The following HCRTR2 variants were observed in gnomAD, a reference collection of about 807,000 sequenced individuals.
The protein encoded by HCRTR2 is hypocretin receptor 2, also known as orexin receptor type 2.
Under a neutral mutation model 49.0 loss-of-function variants are expected in HCRTR2, and 22 were observed. The observed-to-expected ratio is 0.45, with a 90% CI of 0.32 to 0.64. The LOEUF is 0.64. HCRTR2 is among the 30% of genes least tolerant of loss of function. The pLI is 0.04. For missense variants in HCRTR2, 491 were observed against 559.4 expected (o/e 0.88, Z 1.23); for synonymous variants, 236 against 205.3 (o/e 1.15, Z -1.28).
At chr6:55,174,951 T>G in intron 1 of HCRTR2, 141 bp downstream of exon 1, 1 of 593,710 alleles carries the variant, frequency 1.7e-6, no homozygotes, top group Admixed American at 3.0e-5. Flanking sequence ...TCTAATAAAA[T>G]AATAATAATA....
chr6:55,232,655 TTTATTAA>T (rs1269116568), intron 1 of HCRTR2, among the ~76,000 whole-genome samples: 2 of 152,232 alleles, frequency 1.3e-5, no homozygotes. Flanking sequence ...TGTGAAGAAC[TTTATTAA>T]GTTTTATTTG....
chr6:55,188,415 A>G (rs989132474), intron 1 of HCRTR2, among the ~76,000 whole-genome samples: 3 of 152,210 alleles, frequency 2.0e-5, no homozygotes, highest in African/African-American at 7.2e-5. Context: ...AGCATCAGCA[A>G]TAATAGAAAT....
intron 1 of HCRTR2, among the ~76,000 whole-genome samples, chr6:55,117,546 A>C (rs1208957645): frequency 6.6e-6 from 1 of 151,730 alleles, no homozygotes; most frequent in East Asian, 1.9e-4. Flanking sequence ...ATTACTATTT[A>C]CTTGTTCTAG....
intron 1 of HCRTR2, among the ~76,000 whole-genome samples, chr6:55,119,008 A>C (rs908863605): frequency 6.6e-6 from 1 of 151,470 alleles, no homozygotes; most frequent in African/African-American, 2.4e-5. Context: ...TCCTTGTTCA[A>C]CTCTCACTTA....
At chr6:55,195,481 T>C (rs967890630) in intron 1 of HCRTR2, among the ~76,000 whole-genome samples, 7 of 152,188 alleles carry the variant, frequency 4.6e-5, no homozygotes, top group East Asian at 1.9e-4. Context: ...CTTAACAATG[T>C]CTCAAATGTC....
chr6:55,142,321 C>T (rs890093827), intron 1 of HCRTR2, among the ~76,000 whole-genome samples: 7 of 151,656 alleles, frequency 4.6e-5, no homozygotes, highest in African/African-American at 1.7e-4. Context: ...CTCAGCCTCC[C>T]GAGTAGCTGG....
intron 1 of HCRTR2, among the ~76,000 whole-genome samples, chr6:55,158,260 G>C (rs1250016364): frequency 6.6e-6 from 1 of 152,088 alleles, no homozygotes; most frequent in Non-Finnish European, 1.5e-5. Context: ...CATGAGGGAT[G>C]GTGCATTCTG....
At chr6:55,153,264 A>G (rs186371375) in intron 1 of HCRTR2, among the ~76,000 whole-genome samples, 1 of 152,120 alleles carries the variant, frequency 6.6e-6, no homozygotes, top group Admixed American at 6.6e-5. Flanking sequence ...ATTCTGAGAA[A>G]TGCATTATTA....
intron 1 of HCRTR2, among the ~76,000 whole-genome samples, chr6:55,144,131 T>G (rs1441554020): frequency 1.3e-5 from 1 of 77,562 alleles, no homozygotes; most frequent in African/African-American, 4.7e-5. Context: ...TTTTTTTTTT[T>G]GACGGAGTTT....
chr6:55,259,729 A>T (rs1193579358), intron 3 of HCRTR2, among the ~76,000 whole-genome samples: 1 of 151,914 alleles, frequency 6.6e-6, no homozygotes, highest in Non-Finnish European at 1.5e-5. Flanking sequence ...ATTTTTAATG[A>T]TTATCAATAT....
At chr6:55,192,402 C>T (rs558278983) in intron 1 of HCRTR2, among the ~76,000 whole-genome samples, 4 of 103,034 alleles carry the variant, frequency 3.9e-5, no homozygotes, top group East Asian at 3.2e-4. Context: ...CACACACACA[C>T]GCGCGCGCGC....
At chr6:55,235,758 C>T (rs1766202546) in intron 1 of HCRTR2, among the ~76,000 whole-genome samples, 1 of 152,002 alleles carries the variant, frequency 6.6e-6, no homozygotes, top group Admixed American at 6.6e-5. Flanking sequence ...GTACATGGCA[C>T]TTTTGTCATA....
chr6:55,261,851 G>A (rs780079751), intron 3 of HCRTR2, among the ~76,000 whole-genome samples: 11 of 151,968 alleles, frequency 7.2e-5, no homozygotes, highest in African/African-American at 1.7e-4. Context: ...AGCACAATTC[G>A]CAAATGGAAA....
At chr6:55,136,835 C>T (rs991530558) in intron 1 of HCRTR2, among the ~76,000 whole-genome samples, 1 of 152,170 alleles carries the variant, frequency 6.6e-6, no homozygotes, top group Non-Finnish European at 1.5e-5. Flanking sequence ...TGGATTGGCA[C>T]AGTGTCCTAC....
intron 1 of HCRTR2, among the ~76,000 whole-genome samples, chr6:55,154,139 C>A (rs1376517271): frequency 6.6e-6 from 1 of 151,774 alleles, no homozygotes; most frequent in Non-Finnish European, 1.5e-5. Flanking sequence ...TAATCAAAAA[C>A]CTCCCAAGAA....
upstream of HCRTR2, among the ~76,000 whole-genome samples, chr6:55,171,160 C>G (rs945455626): frequency 3.3e-5 from 5 of 152,226 alleles, no homozygotes; most frequent in African/African-American, 1.2e-4. Flanking sequence ...TTGCCACACT[C>G]TCTTCCACAA....
intron 1 of HCRTR2, among the ~76,000 whole-genome samples, chr6:55,178,369 G>T (rs1325490901): frequency 1.3e-5 from 2 of 152,002 alleles, no homozygotes; most frequent in Non-Finnish European, 2.9e-5. Flanking sequence ...TGCTTCTTGT[G>T]TGCCATTAGC....
Position 55,162,689 on chromosome 6 carries a change from T to C in HCRTR2, c.-377-11522T>C, listed in dbSNP as rs538693306. ...AAAAATCACAAGCATTTCTATACAC[T>C]AATAATAGACAAACAGAGAGCCAAA... On this transcript the variant is annotated intron_variant, in intron 1 of 7. Transcript: ENST00000615358. 7.2e-5 allele frequency among the ~76,000 whole-genome samples: 11 copies of C among 152,212 alleles called. No individual in the cohort carries two copies. In the East Asian group the frequency reaches 1.9e-3, roughly 27 times the overall value.
chr6:55,243,518 AG>A (rs1045847975), intron 1 of HCRTR2, among the ~76,000 whole-genome samples: 17 of 152,332 alleles, frequency 1.1e-4, no homozygotes, highest in African/African-American at 4.1e-4. Flanking sequence ...TTCACTCAAA[AG>A]AAATGAAGAA....
Sources: allele counts gnomAD v4.1 joint callset (sites outside exome capture counted in the v4.1 genomes callset), GRCh38; gene constraint gnomAD v4.1.1; transcripts MANE v1.5; gene names NCBI Gene and HGNC (gene_info 2026-07-23, HGNC 2026-07-21).